Variants in PATJ observed in about 807,000 individuals in gnomAD.
The protein encoded by PATJ is PATJ crumbs cell polarity complex component, also known as inaD-like protein.
PATJ carries 190 observed loss-of-function variants against 224.9 expected under a neutral mutation model. The ratio of observed to expected loss-of-function variants is 0.84; its 90% confidence interval spans 0.75 to 0.95. The LOEUF (loss-of-function observed/expected upper bound fraction) is 0.95. PATJ is among the 40% of genes least tolerant of loss of function. The probability of loss-of-function intolerance (pLI) is 0.00; values close to 1 mark genes in which losing one functional copy is unlikely to be tolerated. For synonymous variants in PATJ, 769 were observed against 820.3 expected (o/e 0.94, Z 1.07); for missense variants, 2,121 against 2,270.3 (o/e 0.93, Z 1.34).
At chr1:61,988,374 C>A (rs1326052553) in intron 27 of PATJ, among the ~76,000 whole-genome samples, 1 of 152,076 alleles carries the variant, frequency 6.6e-6, no homozygotes, top group Admixed American at 6.6e-5. Flanking sequence ...AACTTTATTT[C>A]TCCTGTTATG....
At chr1:62,107,905 G>A (rs985372648) in intron 33 of PATJ, among the ~76,000 whole-genome samples, 3 of 152,228 alleles carry the variant, frequency 2.0e-5, no homozygotes, top group African/African-American at 7.2e-5. Context: ...GCAGAGTCAG[G>A]ATTTGAACCC....
At chr1:61,902,241 G>A (rs1434884570) in intron 24 of PATJ, among the ~76,000 whole-genome samples, 1 of 148,904 alleles carries the variant, frequency 6.7e-6, no homozygotes, top group Non-Finnish European at 1.5e-5. Flanking sequence ...AAAAAAAAAG[G>A]CATATTAAAC....
chr1:62,106,063 A>AAAATATAT (rs34767684), intron 33 of PATJ, among the ~76,000 whole-genome samples: 4 of 39,640 alleles, frequency 1.0e-4, no homozygotes, highest in African/African-American at 3.9e-4. Context: ...AAAAAAAAAA[A>AAAATATAT]ATATATATAT....
intron 10 of PATJ, among the ~76,000 whole-genome samples, chr1:61,796,246 G>C (rs961058709): frequency 1.3e-5 from 2 of 152,172 alleles, no homozygotes; most frequent in Admixed American, 1.3e-4. Context: ...GCTCAAAGAA[G>C]ATTGAGAGAG....
At chr1:61,899,419 A>G (rs374077765) in intron 22 of PATJ, among the ~76,000 whole-genome samples, 164 bp from the exon 23 acceptor site, 3 of 152,158 alleles carry the variant, frequency 2.0e-5, no homozygotes, top group Admixed American at 1.3e-4. Flanking sequence ...TGTTAAAGCA[A>G]TATATTTTTG....
chr1:61,766,202 A>G (rs1036922511), intron 3 of PATJ, 77 bp from the exon 4 acceptor site: 1 of 959,786 alleles, frequency 1.0e-6, no homozygotes, highest in South Asian at 1.6e-5. Context: ...TATCTATGTA[A>G]TGGTCAAAAT....
chr1:62,123,500 CAG>C (rs1206580169), intron 39 of PATJ, among the ~76,000 whole-genome samples: 3 of 90,504 alleles, frequency 3.3e-5, no homozygotes, highest in African/African-American at 4.5e-5. Context: ...TTTTTTGAGA[CAG>C]AGTCTTGCTC....
intron 35 of PATJ, chr1:62,114,910 TAAAAA>T (rs1007326821): frequency 1.5e-5 from 2 of 131,036 alleles, no homozygotes; most frequent in East Asian, 2.2e-4. Context: ...ATCTGTAAAT[TAAAAA>T]AAAAAAAAAG....
intron 29 of PATJ, among the ~76,000 whole-genome samples, chr1:62,023,527 T>G (rs1647212830): frequency 6.6e-6 from 1 of 152,222 alleles, no homozygotes; most frequent in Non-Finnish European, 1.5e-5. Flanking sequence ...GTCTAGTACC[T>G]TATCCAGTGA....
rs750894499 is a variant in PATJ at position 61,861,548 on chromosome 1, C to G, written c.2323-3C>G. ...TATAAATAAAAGTGGTTTATATTTTCAGGAAGATAATGAAGAAGAAAGTTG... is the reference window on the plus strand; with the variant it reads ...TATAAATAAAAGTGGTTTATATTTTGAGGAAGATAATGAAGAAGAAAGTTG... On this transcript the variant is annotated splice_region_variant and splice_polypyrimidine_tract_variant and intron_variant, in intron 18 of 43. Transcript: ENST00000642238. 28 of 1,203,608 alleles carry G rather than the reference C, an allele frequency of 2.3e-5. No individual in the cohort carries two copies. Among genetic ancestry groups the G allele is most frequent in the Non-Finnish European group, 3.0e-5 (26 of 858,490 alleles). The allele number at this position is 1,203,608 out of a possible 1,614,324, so 74.6% of individuals were successfully genotyped here. A position where few individuals can be genotyped will look rare whatever the true frequency, so the allele number is the denominator to read the frequency against.
intron 21 of PATJ, among the ~76,000 whole-genome samples, chr1:61,879,760 T>C (rs1422170780): frequency 2.0e-5 from 3 of 152,176 alleles, no homozygotes; most frequent in Non-Finnish European, 4.4e-5. Context: ...GTGTTCCTCC[T>C]ACCTAGAATG....
chr1:61,795,788 A>AT (rs145314876), intron 10 of PATJ, among the ~76,000 whole-genome samples: 28,551 of 151,974 alleles, frequency 0.19, 2,862 homozygotes, highest in Non-Finnish European at 0.22. Context: ...AAAAAAGTAT[A>AT]TTTTTTCTAT....
intron 29 of PATJ, among the ~76,000 whole-genome samples, 168 bp from the exon 30 acceptor site, chr1:62,037,809 T>G (rs1650718771): frequency 6.6e-6 from 1 of 152,162 alleles, no homozygotes; most frequent in Non-Finnish European, 1.5e-5. Context: ...ATAGTAACTT[T>G]GCATGCTTGG....
At chr1:62,050,540 T>A (rs1653418000) in intron 30 of PATJ, among the ~76,000 whole-genome samples, 1 of 152,198 alleles carries the variant, frequency 6.6e-6, no homozygotes, top group Admixed American at 6.5e-5. Flanking sequence ...TCTTGTTAAT[T>A]TGGGAGGTAT....
intron 21 of PATJ, among the ~76,000 whole-genome samples, chr1:61,880,791 A>G (rs1445272934): frequency 1.3e-5 from 2 of 152,238 alleles, no homozygotes; most frequent in Non-Finnish European, 2.9e-5. Flanking sequence ...TCAAAGAAAT[A>G]CATTGCAGGA....
chr1:62,112,349 T>TA (rs1663933412), intron 34 of PATJ, among the ~76,000 whole-genome samples: 1 of 151,970 alleles, frequency 6.6e-6, no homozygotes, highest in Non-Finnish European at 1.5e-5. Flanking sequence ...CTACTAAAAA[T>TA]ACAAAAATTA....
chr1:62,046,263 G>A (rs1402791412), intron 30 of PATJ, among the ~76,000 whole-genome samples: 2 of 148,146 alleles, frequency 1.4e-5, no homozygotes, highest in East Asian at 3.9e-4. Context: ...GGAGGGAAAG[G>A]ATCCACATTG....
At chr1:62,107,073 G>A (rs1663157408) in intron 33 of PATJ, among the ~76,000 whole-genome samples, 1 of 152,116 alleles carries the variant, frequency 6.6e-6, no homozygotes, top group Non-Finnish European at 1.5e-5. Context: ...TCTGGGAGGT[G>A]AGGCGGGCGG....
In PATJ at chr1:61,848,478, G is replaced by T. The variant is rs572933030; in HGVS notation, c.2113-7552G>T. Among the ~76,000 whole-genome samples, 73 of 152,276 alleles carry T rather than the reference G, an allele frequency of 4.8e-4. 1 individual carries two copies. Among genetic ancestry groups the T allele is most frequent in the Admixed American group, 4.0e-3 (61 of 15,282 alleles). ...TTCCTTAAGGTATACAAATCTGTGTGTGAGTGTACGTGTGTATAAAAGAAC... is the reference window on the plus strand; with the variant it reads ...TTCCTTAAGGTATACAAATCTGTGTTTGAGTGTACGTGTGTATAAAAGAAC... On this transcript the variant is annotated intron_variant, in intron 17 of 43. Coordinates refer to ENST00000642238, the MANE Select transcript of PATJ (RefSeq NM_001350145.3).
Sources: gnomAD v4.1 joint callset for allele counts (sites outside exome capture counted in the v4.1 genomes callset) on GRCh38, gnomAD v4.1.1 for gene constraint, MANE v1.5 for transcripts, NCBI Gene and HGNC (gene_info 2026-07-23, HGNC 2026-07-21) for gene names.